The following STIM2 variants were observed in gnomAD, a reference collection of about 807,000 sequenced individuals.
STIM2 encodes the protein stromal interaction molecule 2.
A neutral mutation model predicts 85.8 loss-of-function variants in STIM2; 31 were observed. The ratio of observed to expected loss-of-function variants is 0.36; its 90% CI spans 0.27 to 0.49. The LOEUF (loss-of-function observed/expected upper bound fraction) is 0.49, where lower values mean the gene tolerates loss of function less well. STIM2 is among the 20% of genes least tolerant of loss of function. The pLI is 0.98. For missense variants in STIM2, 841 were observed against 927.6 expected (o/e 0.91, Z 1.21); for synonymous variants, 356 against 331.1 (o/e 1.08, Z -0.82).
chr4:26,888,730 C>T (rs898479093), intron 1 of STIM2, among the ~76,000 whole-genome samples: 4 of 152,266 alleles, frequency 2.6e-5, no homozygotes, highest in Non-Finnish European at 5.9e-5. Context: ...TGTAGTTTTC[C>T]ATTGACTTTA....
chr4:26,972,257 G>A (rs955377419), intron 3 of STIM2, among the ~76,000 whole-genome samples: 3 of 152,000 alleles, frequency 2.0e-5, no homozygotes, highest in African/African-American at 7.2e-5. Flanking sequence ...GATTACCCTG[G>A]CCACAACTCC....
chr4:27,008,363 T>G, intron 8 of STIM2, 65 bp from the exon 9 acceptor site: 1 of 948,674 alleles, frequency 1.1e-6, no homozygotes, highest in Non-Finnish European at 1.6e-6. Flanking sequence ...TTTATTATGT[T>G]ATATATACAA....
At position 26,974,189 on chromosome 4, in the gene STIM2, A is replaced by G. The variant is rs191842236; in HGVS notation, c.397+16463A>G. ...CTGATGGGTCTTGACTCTTTATCCA[A>G]TTTGCCAGTCTGTGTCATTTAATTA... On this transcript the variant is annotated intron_variant, in intron 3 of 11. Transcript: ENST00000467087. Among the ~76,000 whole-genome samples the G allele has an allele frequency of 5.2e-3, 789 of 152,174 alleles. 8 individuals carry two copies. The highest frequency in any genetic ancestry group is 0.018 in the African/African-American group (763 of 41,492).
chr4:26,998,495 A>G (rs1334078110), intron 4 of STIM2, among the ~76,000 whole-genome samples: 2 of 152,206 alleles, frequency 1.3e-5, no homozygotes, highest in African/African-American at 2.4e-5. Flanking sequence ...AATCAATATG[A>G]TCTAAATTGA....
chr4:27,004,784 G>A (rs1025213606), intron 7 of STIM2, among the ~76,000 whole-genome samples: 3 of 152,144 alleles, frequency 2.0e-5, no homozygotes, highest in Non-Finnish European at 4.4e-5. Flanking sequence ...TTAAAGGAAG[G>A]AAATTGGTAT....
intron 1 of STIM2, among the ~76,000 whole-genome samples, chr4:26,863,026 G>T (rs1370186815): frequency 1.3e-5 from 2 of 152,170 alleles, no homozygotes; most frequent in African/African-American, 4.8e-5. Context: ...TGGTAAAAAG[G>T]CAAGCAATTC....
intron 4 of STIM2, among the ~76,000 whole-genome samples, chr4:26,998,911 C>CAAAAA (rs11374270): frequency 0.35 from 50,866 of 146,564 alleles, 9,266 homozygotes; most frequent in East Asian, 0.61. Context: ...GACTCTGTCT[C>CAAAAA]AAAAAAAAAA....
At chr4:26,865,188 G>A (rs1404983435) in intron 1 of STIM2, among the ~76,000 whole-genome samples, 1 of 152,102 alleles carries the variant, frequency 6.6e-6, no homozygotes, top group African/African-American at 2.4e-5. Context: ...TTTGGTCATT[G>A]CTGTAGTTGT....
At chr4:26,861,850 G>A (rs1397832210) in intron 1 of STIM2, among the ~76,000 whole-genome samples, 1 of 152,148 alleles carries the variant, frequency 6.6e-6, no homozygotes, top group African/African-American at 2.4e-5. Context: ...AGGGGAGCCT[G>A]CTAAAGGGGA....
At chr4:26,896,951 T>A (rs1432211384) in intron 1 of STIM2, among the ~76,000 whole-genome samples, 2 of 152,256 alleles carry the variant, frequency 1.3e-5, no homozygotes, top group African/African-American at 4.8e-5. Flanking sequence ...TCCTAGATTA[T>A]GAAATGTTCT....
intron 1 of STIM2, among the ~76,000 whole-genome samples, chr4:26,905,848 G>C (rs1232242527): frequency 6.6e-6 from 1 of 151,980 alleles, no homozygotes. Context: ...AGAGAAAATA[G>C]CATTTTGGAA....
At chr4:26,961,950 T>C (rs1726489891) in intron 3 of STIM2, among the ~76,000 whole-genome samples, 1 of 152,138 alleles carries the variant, frequency 6.6e-6, no homozygotes, top group Non-Finnish European at 1.5e-5. Context: ...GGGATCTTAC[T>C]ATGTTGCCAA....
At chr4:26,982,648 G>A (rs1727443783) in intron 3 of STIM2, among the ~76,000 whole-genome samples, 1 of 152,062 alleles carries the variant, frequency 6.6e-6, no homozygotes, top group South Asian at 2.1e-4. Flanking sequence ...AAGGAACCCT[G>A]GTTATTTTTA....
At chr4:26,929,948 G>A (rs1443268824) in intron 2 of STIM2, among the ~76,000 whole-genome samples, 2 of 152,272 alleles carry the variant, frequency 1.3e-5, no homozygotes, top group South Asian at 2.1e-4. Flanking sequence ...AGTGTATCAT[G>A]TGTACAGTAC....
chr4:26,888,001 T>A (rs1577417183), intron 1 of STIM2, among the ~76,000 whole-genome samples: 1 of 152,338 alleles, frequency 6.6e-6, no homozygotes, highest in East Asian at 1.9e-4. Flanking sequence ...TATTTCTTTC[T>A]CAGAAAAGGC....
intron 1 of STIM2, among the ~76,000 whole-genome samples, chr4:26,865,135 C>G (rs1471931815): frequency 6.6e-6 from 1 of 152,170 alleles, no homozygotes; most frequent in Non-Finnish European, 1.5e-5. Context: ...TTCTCTTTCT[C>G]TTTCCCCTTT....
At position 26,887,512 on chromosome 4, in the gene STIM2, T is replaced by C. The variant is rs571861315; in HGVS notation, c.151+26143T>C. 8.9e-4 allele frequency among the ~76,000 whole-genome samples: 135 copies of C among 152,286 alleles called. 1 individual carries two copies. The highest frequency in any genetic ancestry group is 1.7e-3 in the Non-Finnish European group (117 of 68,016). The stretch of plus-strand genomic sequence containing the variant: ...GGGAACTTATTGCTCCTGAACAACT[T>C]TTCCATTAGTAGGCAGTTCTGGTTT... On this transcript the variant is annotated intron_variant, in intron 1 of 11. Coordinates refer to ENST00000467087, the MANE Select transcript of STIM2 (RefSeq NM_020860.4).
At chr4:27,006,458 C>T (rs528031295) in intron 7 of STIM2, among the ~76,000 whole-genome samples, 3 of 152,214 alleles carry the variant, frequency 2.0e-5, no homozygotes, top group South Asian at 4.1e-4. Context: ...GGGTGGTGCT[C>T]GACACGCAGG....
chr4:26,982,265 T>C (rs1332371763), intron 3 of STIM2, among the ~76,000 whole-genome samples: 1 of 152,218 alleles, frequency 6.6e-6, no homozygotes, highest in Non-Finnish European at 1.5e-5. Flanking sequence ...CAAAAACTTA[T>C]GAATGCTTTG....
Sources: allele counts gnomAD v4.1 joint callset (sites outside exome capture counted in the v4.1 genomes callset), GRCh38; gene constraint gnomAD v4.1.1; transcripts MANE v1.5; gene names NCBI Gene and HGNC (gene_info 2026-07-23, HGNC 2026-07-21).